Variants in PDE1C observed in about 807,000 individuals in gnomAD.
PDE1C encodes the protein dual specificity calcium/calmodulin-dependent 3',5'-cyclic nucleotide phosphodiesterase 1C.
In PDE1C, 62 loss-of-function variants were observed where a neutral mutation model predicts 93.1. The observed-to-expected ratio is 0.67, with a 90% CI of 0.54 to 0.82. The LOEUF (loss-of-function observed/expected upper bound fraction) is 0.82, where lower values mean the gene tolerates loss of function less well. PDE1C is among the 40% of genes least tolerant of loss of function. The probability of loss-of-function intolerance (pLI) is 0.00; values close to 1 mark genes in which losing one functional copy is unlikely to be tolerated. For synonymous variants in PDE1C, 325 were observed against 310.1 expected, an observed-to-expected ratio of 1.05 and a Z score of -0.50; for missense variants, 742 against 884.6, an observed-to-expected ratio of 0.84 and a Z score of 2.04.
intron 1 of PDE1C, among the ~76,000 whole-genome samples, chr7:32,306,778 TCTC>T (rs1028794154): frequency 6.6e-6 from 1 of 152,106 alleles, no homozygotes; most frequent in Non-Finnish European, 1.5e-5. Context: ...GTTTGGACCT[TCTC>T]CTGTAAGGAG....
intron 1 of PDE1C, among the ~76,000 whole-genome samples, chr7:32,304,840 T>C (rs1054602476): frequency 3.3e-5 from 5 of 152,170 alleles, no homozygotes; most frequent in Non-Finnish European, 5.9e-5. Flanking sequence ...TTACTTATTA[T>C]TATTATGTCA....
At chr7:32,191,661 G>A (rs73304639) in intron 2 of PDE1C, among the ~76,000 whole-genome samples, 4,308 of 152,166 alleles carry the variant, frequency 0.028, 186 homozygotes, top group African/African-American at 0.097. Context: ...TGGCTACTAC[G>A]GAAAAAGCTG....
At chr7:32,115,488 G>A (rs905463545) in intron 3 of PDE1C, among the ~76,000 whole-genome samples, 2 of 152,008 alleles carry the variant, frequency 1.3e-5, no homozygotes, top group African/African-American at 4.8e-5. Context: ...AGTGAGGGAG[G>A]GAGAGCATCA....
intron 3 of PDE1C, among the ~76,000 whole-genome samples, chr7:32,161,393 AC>A (rs1167635410): frequency 6.6e-6 from 1 of 152,010 alleles, no homozygotes; most frequent in Non-Finnish European, 1.5e-5. Flanking sequence ...TACTGCTCCC[AC>A]CCTCATAGCT....
At chr7:31,698,249 G>GA in the PDE1C span, among the ~76,000 whole-genome samples, 1 of 152,216 alleles carries the variant, frequency 6.6e-6, no homozygotes, top group Non-Finnish European at 1.5e-5. Flanking sequence ...CATCACGACA[G>GA]AAACAGTCAG....
intron 2 of PDE1C, among the ~76,000 whole-genome samples, chr7:32,041,396 C>T (rs1167010380): frequency 1.3e-5 from 2 of 152,156 alleles, no homozygotes; most frequent in African/African-American, 4.8e-5. Flanking sequence ...TGCCATACTC[C>T]CTCCAGCTTG....
intron 6 of PDE1C, 80 bp downstream of exon 6, chr7:31,873,212 A>G (rs926677136): frequency 1.2e-6 from 1 of 843,484 alleles, no homozygotes; most frequent in Non-Finnish European, 1.9e-6. Flanking sequence ...GCATATTAAA[A>G]TAGTCTGAAC....
the PDE1C span, among the ~76,000 whole-genome samples, chr7:31,618,683 C>T: frequency 3.9e-5 from 6 of 152,066 alleles, no homozygotes; most frequent in African/African-American, 1.4e-4. Context: ...TAGGGCTTAC[C>T]AATAATTATT....
At chr7:31,950,980 T>G (rs527902835) in intron 2 of PDE1C, among the ~76,000 whole-genome samples, 4 of 152,260 alleles carry the variant, frequency 2.6e-5, no homozygotes, top group African/African-American at 9.6e-5. Flanking sequence ...AAGTCCAACA[T>G]CAAGGCATTT....
At chr7:31,691,797 T>TAAAA in the PDE1C span, among the ~76,000 whole-genome samples, 28 of 86,526 alleles carry the variant, frequency 3.2e-4, no homozygotes, top group East Asian at 6.4e-4. Flanking sequence ...ATGTAATGAT[T>TAAAA]AAAAAAAAAA....
chr7:31,905,642 A>G (rs1800501876), intron 2 of PDE1C, among the ~76,000 whole-genome samples: 2 of 152,238 alleles, frequency 1.3e-5, no homozygotes, highest in South Asian at 4.1e-4. Context: ...TAAATAGGTT[A>G]GATGAATAAT....
At chr7:31,755,491 A>G (rs958003776) in intron 17 of PDE1C, among the ~76,000 whole-genome samples, 3 of 152,170 alleles carry the variant, frequency 2.0e-5, no homozygotes, top group Non-Finnish European at 4.4e-5. Flanking sequence ...TCCTTGCAGA[A>G]ATGACTGATT....
intron 1 of PDE1C, among the ~76,000 whole-genome samples, chr7:32,304,861 TATAAC>T (rs1812960519): frequency 6.6e-6 from 1 of 152,188 alleles, no homozygotes; most frequent in African/African-American, 2.4e-5. Flanking sequence ...TATATATTAT[TATAAC>T]ATGACAATGT....
chr7:32,368,968 A>G (rs1474708463), intron 1 of PDE1C, among the ~76,000 whole-genome samples: 2 of 152,164 alleles, frequency 1.3e-5, no homozygotes, highest in Admixed American at 1.3e-4. Flanking sequence ...CTAGACCCCC[A>G]TATGTCATCC....
At chr7:31,825,103 C>T (rs1471671834) in intron 12 of PDE1C, 116 bp from the exon 13 acceptor site, 42 of 1,311,014 alleles carry the variant, frequency 3.2e-5, no homozygotes, top group Non-Finnish European at 1.1e-6. Context: ...ATGGCTTGAT[C>T]TTATGTACTG....
chr7:32,193,768 A>AT (rs1470188229), intron 2 of PDE1C, among the ~76,000 whole-genome samples: 2 of 152,186 alleles, frequency 1.3e-5, no homozygotes, highest in African/African-American at 4.8e-5. Context: ...GAGTCACACC[A>AT]TGTGGACTCA....
intron 2 of PDE1C, among the ~76,000 whole-genome samples, chr7:32,000,978 G>T (rs1785382834): frequency 6.7e-6 from 1 of 149,788 alleles, no homozygotes; most frequent in Admixed American, 6.8e-5. Context: ...GTATACATGT[G>T]CCTGTGTGTG....
chr7:32,268,607 G>GA (rs1474442097), intron 1 of PDE1C, among the ~76,000 whole-genome samples: 1 of 152,106 alleles, frequency 6.6e-6, no homozygotes, highest in African/African-American at 2.4e-5. Flanking sequence ...ATCTCCCACA[G>GA]AGAGGCTCAA....
At chr7:32,070,678 G>C, upstream of PDE1C, 4 of 1,296,192 alleles carry the variant, frequency 3.1e-6, no homozygotes, top group Non-Finnish European at 3.9e-6. Flanking sequence ...ATAGGGATTG[G>C]GATTGGACTC....
Sources: gnomAD v4.1 joint callset for allele counts (sites outside exome capture counted in the v4.1 genomes callset) on GRCh38, gnomAD v4.1.1 for gene constraint, MANE v1.5 for transcripts, NCBI Gene and HGNC (gene_info 2026-07-23, HGNC 2026-07-21) for gene names.